The following ARAP2 variants were observed in gnomAD, a reference collection of about 807,000 sequenced individuals.
ARAP2 encodes arf-GAP with Rho-GAP domain, ANK repeat and PH domain-containing protein 2.
Under a neutral mutation model 194.5 loss-of-function variants are expected in ARAP2, and 148 were observed. The observed-to-expected ratio is 0.76, with a 90% CI of 0.67 to 0.87. The LOEUF (loss-of-function observed/expected upper bound fraction) is 0.87. Ranked by LOEUF, ARAP2 falls within the 40% of genes least tolerant of loss-of-function variation. ARAP2 has a pLI of 0.00. For synonymous variants in ARAP2, 695 were observed against 683.5 expected (o/e 1.02, Z -0.26); for missense variants, 2,128 against 1,989.7 (o/e 1.07, Z -1.32).
At chr4:36,130,436 A>T (rs1725145851) in intron 20 of ARAP2, among the ~76,000 whole-genome samples, 1 of 151,760 alleles carries the variant, frequency 6.6e-6, no homozygotes, top group East Asian at 1.9e-4. Flanking sequence ...AAACTTTGTG[A>T]CTCGATACCT....
intron 6 of ARAP2, among the ~76,000 whole-genome samples, chr4:36,195,436 T>A (rs183711611): frequency 1.3e-5 from 2 of 152,310 alleles, no homozygotes; most frequent in Non-Finnish European, 2.9e-5. Flanking sequence ...ATTAGTCACT[T>A]TTTGCTCATT....
chr4:36,024,437 A>T (rs1055540293), intron 5 of ARAP2, among the ~76,000 whole-genome samples: 20 of 152,188 alleles, frequency 1.3e-4, no homozygotes, highest in African/African-American at 4.6e-4. Context: ...GACACATTCC[A>T]CAAACAATGC....
rs538542505 is a variant in ARAP2 at position 36,195,035 on chromosome 4, G to A, written c.1488-1388C>T. Among the ~76,000 whole-genome samples the A allele has an allele frequency of 1.8e-4, 27 of 151,876 alleles. No homozygotes were observed. In the South Asian group the frequency reaches 3.7e-3, roughly 21 times the overall value. ...AAAAAAAATAGCCAGGCATGGTAGC[G>A]CACAACTGTTGTCCAAGCTATTTGG... On this transcript the variant is annotated intron_variant, in intron 6 of 32. Transcript: ENST00000303965.
chr4:36,134,760 A>ACC (rs146799134), intron 19 of ARAP2, among the ~76,000 whole-genome samples: 2,496 of 149,560 alleles, frequency 0.017, 38 homozygotes, highest in Middle Eastern at 0.027. Flanking sequence ...ACACACACAC[A>ACC]CCCTCCTGGA....
At chr4:36,019,536 T>C (rs1243089732) in intron 5 of ARAP2, among the ~76,000 whole-genome samples, 2 of 149,196 alleles carry the variant, frequency 1.3e-5, no homozygotes, top group African/African-American at 2.6e-5. Context: ...CTCCTCATCT[T>C]ATACTGTAGA....
At chr4:36,050,741 G>GAGTACCC (rs1196746499) in intron 3 of ARAP2, among the ~76,000 whole-genome samples, 1 of 152,166 alleles carries the variant, frequency 6.6e-6, no homozygotes, top group Non-Finnish European at 1.5e-5. Flanking sequence ...TCATACAACT[G>GAGTACCC]AGTACCCCCA....
In ARAP2 at chr4:36,024,316, T is replaced by C. The variant is rs566215988; in HGVS notation, n.608-5030A>G. Among the ~76,000 whole-genome samples the C allele has an allele frequency of 4.6e-5, 7 of 152,160 alleles. 1 individual carries two copies. In the South Asian group the frequency reaches 1.2e-3, roughly 27 times the overall value. On this transcript the variant is annotated intron_variant and non_coding_transcript_variant, in intron 5 of 12. Coordinates refer to the ARAP2 transcript ENST00000503225. ...TAAAGCATATGTCACTGATACTGTA[T>C]CATAAGAGCATATGGTATACCGAAT... is the stretch of plus-strand genomic sequence containing the variant.
Position 36,159,524 on chromosome 4 carries a change from T to C in ARAP2, c.2443-19A>G. 6.7e-7 allele frequency: 1 copy of C among 1,487,666 alleles called. No individual in the cohort carries two copies. The highest frequency in any genetic ancestry group is 9.0e-7 in the Non-Finnish European group (1 of 1,109,388). 92.2% of individuals were successfully genotyped at this position (1,487,666 alleles called of 1,614,324 possible). A position where few individuals can be genotyped will look rare whatever the true frequency, so the allele number is the denominator to read the frequency against. On this transcript the variant is annotated intron_variant, in intron 13 of 32. Coordinates refer to ENST00000303965, the MANE Select transcript of ARAP2 (RefSeq NM_015230.4). ...ATAGAGCCTGGTCATTAAAAGAAAA[T>C]ATACATCTTAAGGAAAGAAAATAAG...
intron 5 of ARAP2, among the ~76,000 whole-genome samples, chr4:36,026,502 T>G (rs1478596955): frequency 6.6e-6 from 1 of 152,186 alleles, no homozygotes; most frequent in African/African-American, 2.4e-5. Context: ...TTACATCTGC[T>G]GTGAGTGACA....
At chr4:36,212,528 G>A (rs1746987504) in intron 4 of ARAP2, 41 bp from the exon 5 acceptor site, 1 of 1,478,806 alleles carries the variant, frequency 6.8e-7, no homozygotes, top group African/African-American at 1.4e-5. Context: ...ATACTGTTTT[G>A]CTTTTTGGTT....
chr4:36,226,308 A>G, intron 2 of ARAP2, among the ~76,000 whole-genome samples: 1 of 152,204 alleles, frequency 6.6e-6, no homozygotes, highest in Non-Finnish European at 1.5e-5. Context: ...ATACCACTCC[A>G]GCATACTTAC....
chr4:36,219,857 T>C (rs541364123), intron 2 of ARAP2, among the ~76,000 whole-genome samples: 1 of 152,048 alleles, frequency 6.6e-6, no homozygotes, highest in Admixed American at 6.6e-5. Flanking sequence ...GGCACAAACA[T>C]GAATGTTTCT....
At chr4:36,036,153 T>C (rs772206524) in intron 5 of ARAP2, among the ~76,000 whole-genome samples, 12 of 152,118 alleles carry the variant, frequency 7.9e-5, no homozygotes, top group Non-Finnish European at 1.3e-4. Flanking sequence ...AATCAGGTTG[T>C]CAATACACAC....
chr4:36,122,763 A>G (rs1722965897), intron 22 of ARAP2, among the ~76,000 whole-genome samples: 1 of 149,956 alleles, frequency 6.7e-6, no homozygotes, highest in Non-Finnish European at 1.5e-5. Context: ...AAAAGTTTAC[A>G]AAAAAAACCA....
At chr4:36,090,007 G>A (rs1036509797) in intron 28 of ARAP2, among the ~76,000 whole-genome samples, 1 of 151,664 alleles carries the variant, frequency 6.6e-6, no homozygotes, top group Non-Finnish European at 1.5e-5. Flanking sequence ...TATATTATTA[G>A]ACCACTAGCT....
At chr4:36,085,930 C>A (rs1192609468) in intron 28 of ARAP2, among the ~76,000 whole-genome samples, 5 of 151,970 alleles carry the variant, frequency 3.3e-5, no homozygotes, top group Admixed American at 6.6e-5. Flanking sequence ...ATTCTATAGC[C>A]TGCTAATTTG....
chr4:36,056,677 T>C (rs1723570358), intron 2 of ARAP2, among the ~76,000 whole-genome samples: 1 of 152,198 alleles, frequency 6.6e-6, no homozygotes, highest in South Asian at 2.1e-4. Flanking sequence ...ACTACTATTG[T>C]TTTCAGTGTG....
chr4:36,218,701 G>A (rs1486955736), intron 2 of ARAP2, among the ~76,000 whole-genome samples: 1 of 152,020 alleles, frequency 6.6e-6, no homozygotes, highest in South Asian at 2.1e-4. Context: ...AACTCTAAAG[G>A]AAAGTGCACA....
At chr4:36,140,175 C>CACACACACACAT (rs1283506325) in intron 19 of ARAP2, among the ~76,000 whole-genome samples, 106 of 150,300 alleles carry the variant, frequency 7.1e-4, no homozygotes, top group Non-Finnish European at 1.2e-3. Flanking sequence ...CACACACACA[C>CACACACACACAT]ATCTTAGAGG....
Sources: allele counts gnomAD v4.1 joint callset (sites outside exome capture counted in the v4.1 genomes callset), GRCh38; gene constraint gnomAD v4.1.1; transcripts MANE v1.5; gene names NCBI Gene and HGNC (gene_info 2026-07-23, HGNC 2026-07-21).